The following DISC1 variants were observed in gnomAD, a reference collection of about 807,000 sequenced individuals.
DISC1 encodes the protein disrupted in schizophrenia 1 protein.
Under a neutral mutation model 84.5 loss-of-function variants are expected in DISC1, and 57 were observed. The observed-to-expected ratio is 0.67, with a 90% CI of 0.55 to 0.84. The LOEUF (loss-of-function observed/expected upper bound fraction) is 0.84, where lower values mean the gene tolerates loss of function less well. Ranked by LOEUF, DISC1 falls within the 40% of genes least tolerant of loss-of-function variation. DISC1 has a pLI of 0.00. For synonymous variants in DISC1, 411 were observed against 415.2 expected (o/e 0.99, Z 0.12); for missense variants, 1,000 against 1,057.8 (o/e 0.95, Z 0.76).
At chr1:231,758,070 T>C (rs1270081338) in intron 4 of DISC1, among the ~76,000 whole-genome samples, 1 of 146,284 alleles carries the variant, frequency 6.8e-6, no homozygotes, top group Non-Finnish European at 1.5e-5. Context: ...CTCCACACTG[T>C]TTTTTTTTTT....
At chr1:231,784,829 T>C (rs1352957324) in intron 6 of DISC1, among the ~76,000 whole-genome samples, 1 of 152,212 alleles carries the variant, frequency 6.6e-6, no homozygotes, top group Non-Finnish European at 1.5e-5. Flanking sequence ...GCCCTGGTGC[T>C]CCTACCTCTC....
chr1:231,859,068 A>G (rs2084459777), intron 9 of DISC1, among the ~76,000 whole-genome samples: 1 of 152,274 alleles, frequency 6.6e-6, no homozygotes, highest in East Asian at 1.9e-4. Context: ...CATCTCATCA[A>G]CCTATTTTGG....
At chr1:231,691,656 T>C (rs977530330) in intron 1 of DISC1, among the ~76,000 whole-genome samples, 4 of 152,268 alleles carry the variant, frequency 2.6e-5, no homozygotes, top group African/African-American at 7.2e-5. Flanking sequence ...TTTTTCAAGA[T>C]ACGAAATTGT....
At position 231,694,310 on chromosome 1, in the gene DISC1, C is replaced by CA; in HGVS notation, c.554dup (p.Asn185LysfsTer10). On this transcript the variant is annotated frameshift_variant, in exon 2 of 13. Transcript: ENST00000439617. LOFTEE classifies it high-confidence loss of function. ...CTCTGCCATCAGCAGAGTTGAGTAG[C>CA]AACAGCTGCAGCCCTGGCTGTGGCC... The CA allele has an allele frequency of 6.2e-7, 1 of 1,614,260 alleles. No individual in the cohort carries two copies. The highest frequency in any genetic ancestry group is 8.5e-7 in the Non-Finnish European group (1 of 1,180,052).
At chr1:231,702,466 T>G in intron 3 of DISC1, 1 of 987,134 alleles carries the variant, frequency 1.0e-6, no homozygotes, top group Non-Finnish European at 1.2e-6. Flanking sequence ...CTCTCTGACT[T>G]CATAATTTCC....
intron 3 of DISC1, among the ~76,000 whole-genome samples, chr1:231,727,714 T>C (rs923239776): frequency 1.3e-5 from 2 of 152,188 alleles, no homozygotes; most frequent in Non-Finnish European, 2.9e-5. Flanking sequence ...TTTCTCACCA[T>C]TTTACAATAA....
At chr1:231,704,896 C>T (rs1472814645) in intron 3 of DISC1, among the ~76,000 whole-genome samples, 1 of 151,568 alleles carries the variant, frequency 6.6e-6, no homozygotes, top group East Asian at 1.9e-4. Context: ...GTAATAATGG[C>T]ATATAAGAAA....
intron 10 of DISC1, among the ~76,000 whole-genome samples, chr1:231,990,553 G>A (rs1665070697): frequency 6.6e-6 from 1 of 152,126 alleles, no homozygotes; most frequent in African/African-American, 2.4e-5. Context: ...TGTGTACTTG[G>A]GGTGACAGTC....
intron 1 of DISC1, among the ~76,000 whole-genome samples, chr1:231,658,725 A>G (rs1281124658): frequency 6.6e-6 from 1 of 152,192 alleles, no homozygotes; most frequent in African/African-American, 2.4e-5. Context: ...TTCTGCATAT[A>G]TTGAGATAAT....
intron 9 of DISC1, among the ~76,000 whole-genome samples, chr1:231,844,693 G>A (rs1051807466): frequency 6.6e-6 from 1 of 152,018 alleles, no homozygotes; most frequent in African/African-American, 2.4e-5. Flanking sequence ...TTGGGAGGCC[G>A]ACGGGGGTGG....
chr1:231,672,098 G>C (rs1314335140), intron 1 of DISC1, among the ~76,000 whole-genome samples: 1 of 152,126 alleles, frequency 6.6e-6, no homozygotes, highest in African/African-American at 2.4e-5. Flanking sequence ...ATTTAGAATT[G>C]CATCCAGAAT....
At chr1:231,885,427 A>G (rs187664700) in intron 9 of DISC1, among the ~76,000 whole-genome samples, 2 of 152,284 alleles carry the variant, frequency 1.3e-5, no homozygotes, top group Non-Finnish European at 2.9e-5. Context: ...GGAGTGTGAT[A>G]GGGGAGTGAG....
chr1:231,903,843 G>C (rs2088399839), intron 9 of DISC1, among the ~76,000 whole-genome samples: 1 of 152,226 alleles, frequency 6.6e-6, no homozygotes, highest in Admixed American at 6.5e-5. Flanking sequence ...TGATTAAGAT[G>C]GGAAACCATT....
intron 9 of DISC1, among the ~76,000 whole-genome samples, chr1:231,838,817 C>T (rs541976619): frequency 5.9e-5 from 9 of 152,284 alleles, no homozygotes; most frequent in East Asian, 1.9e-4. Flanking sequence ...CCCTTGTCAC[C>T]GCCTGGCCTC....
intron 1 of DISC1, among the ~76,000 whole-genome samples, chr1:231,676,182 G>C (rs904801906): frequency 2.6e-5 from 4 of 152,190 alleles, no homozygotes; most frequent in African/African-American, 9.6e-5. Context: ...TCTTTGTTTA[G>C]TTAAATTATT....
intron 10 of DISC1, among the ~76,000 whole-genome samples, chr1:232,003,115 C>T (rs1166821576): frequency 6.6e-6 from 1 of 151,830 alleles, no homozygotes; most frequent in Non-Finnish European, 1.5e-5. Flanking sequence ...AAAGACTTGG[C>T]TAAAATCAAT....
At chr1:231,732,360 G>A (rs1361016714) in intron 3 of DISC1, among the ~76,000 whole-genome samples, 6 of 152,146 alleles carry the variant, frequency 3.9e-5, no homozygotes, top group African/African-American at 1.4e-4. Context: ...ACCCATCTCT[G>A]TTTGGCTTCA....
chr1:231,918,671 A>G (rs1198013958), intron 9 of DISC1, among the ~76,000 whole-genome samples: 7 of 152,176 alleles, frequency 4.6e-5, no homozygotes, highest in Non-Finnish European at 1.5e-5. Flanking sequence ...CAGTTAGGAG[A>G]AAAATATCTC....
intron 9 of DISC1, among the ~76,000 whole-genome samples, chr1:231,837,460 T>C (rs192593682): frequency 1.3e-5 from 2 of 152,348 alleles, no homozygotes; most frequent in African/African-American, 4.8e-5. Flanking sequence ...AAGCAAATTC[T>C]CCTCTGTCTT....
Sources: gnomAD v4.1 joint callset for allele counts (sites outside exome capture counted in the v4.1 genomes callset) on GRCh38, gnomAD v4.1.1 for gene constraint, MANE v1.5 for transcripts, NCBI Gene and HGNC (gene_info 2026-07-23, HGNC 2026-07-21) for gene names.